Variants in RIMS1 observed in about 807,000 individuals in gnomAD.
RIMS1 encodes the protein regulating synaptic membrane exocytosis protein 1.
A neutral mutation model predicts 214.1 loss-of-function variants in RIMS1; 83 were observed. The ratio of observed to expected loss-of-function variants is 0.39; its 90% CI spans 0.32 to 0.47. The LOEUF (loss-of-function observed/expected upper bound fraction) is 0.47. Ranked by LOEUF, RIMS1 falls within the 20% of genes least tolerant of loss-of-function variation. The pLI, the probability that RIMS1 is intolerant of heterozygous loss-of-function variation, is 0.99. For missense variants in RIMS1, 2,050 were observed against 2,161.8 expected, an observed-to-expected ratio of 0.95 and a Z score of 1.03; for synonymous variants, 793 against 786.8, an observed-to-expected ratio of 1.01 and a Z score of -0.13.
intron 4 of RIMS1, among the ~76,000 whole-genome samples, chr6:72,117,925 A>T (rs1032772144): frequency 6.6e-6 from 1 of 152,066 alleles, no homozygotes; most frequent in South Asian, 2.1e-4. Flanking sequence ...AATAACAAAG[A>T]TCAGAGCAAA....
At chr6:72,020,391 A>G (rs1312063332) in intron 2 of RIMS1, among the ~76,000 whole-genome samples, 2 of 152,188 alleles carry the variant, frequency 1.3e-5, no homozygotes, top group East Asian at 1.9e-4. Flanking sequence ...TTGTAAAAAC[A>G]TCTTCACTTG....
chr6:72,111,061 GT>G (rs1307730737), intron 4 of RIMS1, among the ~76,000 whole-genome samples: 1 of 152,152 alleles, frequency 6.6e-6, no homozygotes, highest in Non-Finnish European at 1.5e-5. Context: ...TGATGAGTCT[GT>G]TTTGGATGTC....
chr6:72,251,453 A>T (rs2073275930), intron 15 of RIMS1, 85 bp downstream of exon 15: 2 of 1,145,846 alleles, frequency 1.7e-6, no homozygotes, highest in South Asian at 1.9e-5. Context: ...TGTTTTTTTT[A>T]AATGTTTTAT....
At chr6:72,313,354 T>C (rs1254825289) in intron 27 of RIMS1, among the ~76,000 whole-genome samples, 152 bp from the exon 28 acceptor site, 8 of 152,182 alleles carry the variant, frequency 5.3e-5, no homozygotes, top group Non-Finnish European at 1.5e-5. Context: ...TTGGAAATCA[T>C]ATGGTAGTAT....
chr6:72,209,861 ACTGCACTC>A (rs1231005828), intron 6 of RIMS1, among the ~76,000 whole-genome samples: 1 of 147,662 alleles, frequency 6.8e-6, no homozygotes, highest in Non-Finnish European at 1.5e-5. Context: ...AGATCACGCC[ACTGCACTC>A]CAGTCTGGGC....
chr6:72,026,041 A>G (rs977774008), intron 2 of RIMS1, among the ~76,000 whole-genome samples: 21 of 152,248 alleles, frequency 1.4e-4, no homozygotes, highest in Admixed American at 4.6e-4. Context: ...TATGACCCAG[A>G]CTTAGAAATT....
intron 2 of RIMS1, among the ~76,000 whole-genome samples, chr6:72,045,259 T>C (rs549229453): frequency 3.5e-4 from 53 of 152,024 alleles, no homozygotes; most frequent in African/African-American, 1.2e-3. Flanking sequence ...ATTGTCAAAA[T>C]GCATCAAACT....
At chr6:72,341,113 TG>T (rs2097071517) in intron 29 of RIMS1, among the ~76,000 whole-genome samples, 2 of 151,824 alleles carry the variant, frequency 1.3e-5, no homozygotes, top group African/African-American at 2.4e-5. Context: ...AGAATTCTTG[TG>T]GTTTTTGCAC....
intron 4 of RIMS1, among the ~76,000 whole-genome samples, chr6:72,152,670 A>T (rs2043778715): frequency 6.6e-6 from 1 of 150,398 alleles, no homozygotes; most frequent in African/African-American, 2.4e-5. Context: ...AGGAGGAAAG[A>T]CATATATATT....
chr6:72,011,936 T>C (rs1378485228), intron 2 of RIMS1, among the ~76,000 whole-genome samples: 1 of 152,142 alleles, frequency 6.6e-6, no homozygotes, highest in Admixed American at 6.6e-5. Flanking sequence ...TCCTCAGGGA[T>C]CTAGAACTAG....
At chr6:72,243,421 A>G (rs772800730) in intron 10 of RIMS1, among the ~76,000 whole-genome samples, 1 of 151,788 alleles carries the variant, frequency 6.6e-6, no homozygotes, top group Admixed American at 6.6e-5. Flanking sequence ...ACTGGTTATT[A>G]TTAAGAGTGA....
At chr6:72,149,675 A>T (rs2043245265) in intron 4 of RIMS1, among the ~76,000 whole-genome samples, 1 of 152,158 alleles carries the variant, frequency 6.6e-6, no homozygotes, top group Non-Finnish European at 1.5e-5. Context: ...AAAGTGAAGA[A>T]TTATATGCCC....
At chr6:72,179,060 TTGTA>T (rs2048103382) in intron 4 of RIMS1, among the ~76,000 whole-genome samples, 1 of 152,216 alleles carries the variant, frequency 6.6e-6, no homozygotes, top group African/African-American at 2.4e-5. Flanking sequence ...TGTGCTTACT[TTGTA>T]TGTTTCTTCT....
In RIMS1 at chr6:72,200,137, A is replaced by G. The variant is rs185032664; in HGVS notation, c.1678+16988A>G. Among the ~76,000 whole-genome samples, 310 of 152,230 alleles carry G rather than the reference A, an allele frequency of 2.0e-3. 4 individuals carry two copies. The highest frequency in any genetic ancestry group is 0.015 in the Admixed American group (235 of 15,272). ...TTGGTGTCTTCTGGGGCCTTCCATA[A>G]TTGGTATTTTAGCAATCAGAACATC... On this transcript the variant is annotated intron_variant, in intron 6 of 33. Coordinates refer to ENST00000521978, the MANE Select transcript of RIMS1 (RefSeq NM_014989.7).
intron 2 of RIMS1, among the ~76,000 whole-genome samples, chr6:72,031,341 T>A (rs1818051609): frequency 6.6e-6 from 1 of 152,166 alleles, no homozygotes; most frequent in South Asian, 2.1e-4. Flanking sequence ...AATACTTCTG[T>A]CAGAGCCCCT....
chr6:72,080,735 C>T (rs1833166105), intron 2 of RIMS1, among the ~76,000 whole-genome samples: 1 of 152,216 alleles, frequency 6.6e-6, no homozygotes, highest in Non-Finnish European at 1.5e-5. Context: ...GCCTTTCACA[C>T]TTGCTGCATC....
At chr6:72,175,266 AT>A (rs1345154487) in intron 4 of RIMS1, 1 of 196,334 alleles carries the variant, frequency 5.1e-6, no homozygotes, top group Non-Finnish European at 1.1e-5. Context: ...AAAGTATCAA[AT>A]GAAAATTGAA....
At chr6:72,324,380 A>G (rs1001047970) in intron 28 of RIMS1, among the ~76,000 whole-genome samples, 1 of 152,008 alleles carries the variant, frequency 6.6e-6, no homozygotes, top group African/African-American at 2.4e-5. Flanking sequence ...TAAGTAAGTC[A>G]AAGTGCATAT....
chr6:72,113,678 T>A (rs1379369939), intron 4 of RIMS1, among the ~76,000 whole-genome samples: 2 of 152,138 alleles, frequency 1.3e-5, no homozygotes, highest in African/African-American at 2.4e-5. Context: ...ATTTTCTTTC[T>A]TATAAACCCC....
Sources: allele counts gnomAD v4.1 joint callset (sites outside exome capture counted in the v4.1 genomes callset), GRCh38; gene constraint gnomAD v4.1.1; transcripts MANE v1.5; gene names NCBI Gene and HGNC (gene_info 2026-07-23, HGNC 2026-07-21).